Variants in ADGRD1 observed in about 807,000 individuals in gnomAD.
ADGRD1 encodes the protein G-protein coupled receptor 133.
Under a neutral mutation model 113.4 loss-of-function variants are expected in ADGRD1, and 77 were observed. That is an observed-to-expected ratio of 0.68 (90% CI 0.57 to 0.82). The LOEUF (loss-of-function observed/expected upper bound fraction) is 0.82. Ranked by LOEUF, ADGRD1 falls within the 40% of genes least tolerant of loss-of-function variation. The pLI is 0.00. For missense variants in ADGRD1, 1,036 were observed against 1,139.1 expected (o/e 0.91, Z 1.30); for synonymous variants, 474 against 475.0 (o/e 1.00, Z 0.03).
At chr12:131,101,536 G>A (rs138291838) in intron 15 of ADGRD1, among the ~76,000 whole-genome samples, 433 of 151,352 alleles carry the variant, frequency 2.9e-3, no homozygotes, top group African/African-American at 0.01. Flanking sequence ...TACAGGTGTG[G>A]GCCATCATGT....
At chr12:131,056,325 G>A (rs1883858580) in intron 13 of ADGRD1, among the ~76,000 whole-genome samples, 1 of 152,172 alleles carries the variant, frequency 6.6e-6, no homozygotes, top group South Asian at 2.1e-4. Context: ...TTGGAAACAG[G>A]AACCAGTGAG....
chr12:131,103,995 C>T (rs535570954), intron 15 of ADGRD1, among the ~76,000 whole-genome samples: 8 of 152,348 alleles, frequency 5.3e-5, no homozygotes, highest in Admixed American at 4.6e-4. Context: ...ACTTCAGAAC[C>T]GAGGGGGCGC....
In ADGRD1 at chr12:131,003,369, T is replaced by A; in HGVS notation, c.1144+67T>A. 1 of 1,083,448 alleles carries A rather than the reference T, an allele frequency of 9.2e-7. No homozygotes were observed. Among genetic ancestry groups the A allele is most frequent in the Non-Finnish European group, 1.4e-6 (1 of 705,762 alleles). The allele number at this position is 1,083,448 out of a possible 1,614,324, so 67.1% of individuals were successfully genotyped here. On this transcript the variant is annotated intron_variant, in intron 10 of 24. Coordinates refer to ENST00000261654, the MANE Select transcript of ADGRD1 (RefSeq NM_198827.5). The surrounding 1 kb of genome is among the most constrained non-coding windows in gnomAD (Gnocchi z 4.8). The stretch of plus-strand genomic sequence containing the variant: ...GGGCTGGAGGCTGCGTTTCACTGCC[T>A]GTCTTTTTACACCCTTAGCAGAGAG...
rs1056155196 is a variant in ADGRD1, at chr12:131,138,644, G to T, written c.2529+415G>T. ...TGCTCAGGTGTCCCATCCTCAGGAA[G>T]TCCTTCCCCGCACACGGTGCTCAAT... On this transcript the variant is annotated intron_variant, in intron 24 of 24. Transcript: ENST00000261654. 4.6e-5 allele frequency among the ~76,000 whole-genome samples: 7 copies of T among 152,116 alleles called. No homozygotes were observed. The South Asian group carries it at 1.2e-3, about 27-fold the overall frequency.
chr12:131,091,185 AAAGT>A (rs1201677756), intron 15 of ADGRD1, among the ~76,000 whole-genome samples: 7 of 152,220 alleles, frequency 4.6e-5, no homozygotes, highest in Non-Finnish European at 1.0e-4. Context: ...TTATCCTAGA[AAAGT>A]AGGCCATTGG....
chr12:131,024,861 G>A (rs1879764983), intron 13 of ADGRD1: 1 of 152,292 alleles, frequency 6.6e-6, no homozygotes, highest in African/African-American at 2.4e-5. Flanking sequence ...GCGTGTCTGT[G>A]TGAGAAGCTC....
chr12:130,982,363 A>G (rs930644753), intron 5 of ADGRD1, among the ~76,000 whole-genome samples: 2 of 152,182 alleles, frequency 1.3e-5, no homozygotes, highest in African/African-American at 4.8e-5. Context: ...TGTGCAGATG[A>G]TATTGACAGT....
At chr12:131,023,435 C>T (rs1434952495) in intron 13 of ADGRD1, 1 of 152,012 alleles carries the variant, frequency 6.6e-6, no homozygotes, top group East Asian at 1.9e-4. Context: ...GCACCCTGTT[C>T]CCACCCACTT....
chr12:131,112,062 C>T (rs1007564224), intron 18 of ADGRD1, among the ~76,000 whole-genome samples: 3 of 152,112 alleles, frequency 2.0e-5, no homozygotes, highest in African/African-American at 7.2e-5. Flanking sequence ...TGTAGCCACC[C>T]TTGATTCTGA....
In ADGRD1 at chr12:131,075,496, AC is replaced by A. The variant is rs1885529414; in HGVS notation, c.1474-1302del. ...AGAGACCCTGTGATGGATTAAAATA[AC>A]CCTAAGATACGGGGCGGCAGGGGTG... On this transcript the variant is annotated intron_variant, in intron 13 of 24. Coordinates refer to ENST00000261654, the MANE Select transcript of ADGRD1 (RefSeq NM_198827.5). This position sits in a 1 kb window ranked among gnomAD's most constrained non-coding sequence, Gnocchi z 5.3. Among the ~76,000 whole-genome samples, 1 of 152,160 alleles carries A rather than the reference AC, an allele frequency of 6.6e-6. No homozygotes were observed. The highest frequency in any genetic ancestry group is 2.4e-5 in the African/African-American group (1 of 41,426).
At chr12:131,086,417 G>A (rs73468761) in intron 15 of ADGRD1, among the ~76,000 whole-genome samples, 3,004 of 152,250 alleles carry the variant, frequency 0.02, 99 homozygotes, top group African/African-American at 0.068. Flanking sequence ...AGTCCACTGC[G>A]ACACAGTCAC....
At chr12:130,975,278 C>A (rs1018889935) in intron 4 of ADGRD1, among the ~76,000 whole-genome samples, 2 of 152,158 alleles carry the variant, frequency 1.3e-5, no homozygotes, top group Non-Finnish European at 2.9e-5. Context: ...TACATTTCTT[C>A]CCACAACTTG....
At chr12:131,115,488 T>A (rs1950443225) in intron 18 of ADGRD1, among the ~76,000 whole-genome samples, 1 of 152,188 alleles carries the variant, frequency 6.6e-6, no homozygotes, top group South Asian at 2.1e-4. Flanking sequence ...CCACCCCATC[T>A]GTCGAGACCC....
chr12:130,994,200 G>T, intron 8 of ADGRD1: 1 of 426,876 alleles, frequency 2.3e-6, no homozygotes, highest in Non-Finnish European at 4.8e-6. Flanking sequence ...GTATAGACAA[G>T]CTGGAAGGTC....
intron 3 of ADGRD1, chr12:130,969,170 T>A (rs532779225): frequency 2.8e-6 from 2 of 714,752 alleles, no homozygotes; most frequent in East Asian, 2.7e-5. Flanking sequence ...ATTCACTATG[T>A]CTTGGCTAGC....
At chr12:131,122,826 C>G (rs1244081147) in intron 20 of ADGRD1, among the ~76,000 whole-genome samples, 1 of 152,180 alleles carries the variant, frequency 6.6e-6, no homozygotes, top group Non-Finnish European at 1.5e-5. Context: ...GTGGCTCTGC[C>G]TGGCTCCTTC....
At chr12:131,106,124 A>G (rs1316066350) in intron 17 of ADGRD1, among the ~76,000 whole-genome samples, 1 of 152,054 alleles carries the variant, frequency 6.6e-6, no homozygotes, top group Admixed American at 6.5e-5. Context: ...GCGAGGCACC[A>G]TGACAAGGGC....
At position 131,027,717 on chromosome 12, in the gene ADGRD1, C is replaced by G. The variant is rs1213417574; in HGVS notation, c.1473+13377C>G. The G allele has an allele frequency of 6.6e-6, 1 of 152,150 alleles. No homozygotes were observed. The highest frequency in any genetic ancestry group is 2.4e-5 in the African/African-American group (1 of 41,430). The allele number at this position is 152,150 out of a possible 1,614,324, so 9.4% of individuals were successfully genotyped here. A position where few individuals can be genotyped will look rare whatever the true frequency, so the allele number is the denominator to read the frequency against. ...AGCTAGGGGTTCAGGGTTACTCAGACCAAACTTCTCATCACCCTGCATCCC... is the reference window on the plus strand; with the variant it reads ...AGCTAGGGGTTCAGGGTTACTCAGAGCAAACTTCTCATCACCCTGCATCCC... On this transcript the variant is annotated intron_variant, in intron 13 of 24. Transcript: ENST00000261654. The surrounding 1 kb of genome is among the most constrained non-coding windows in gnomAD (Gnocchi z 5.1).
At chr12:131,085,742 C>G (rs564082722) in intron 15 of ADGRD1, among the ~76,000 whole-genome samples, 22 of 152,308 alleles carry the variant, frequency 1.4e-4, no homozygotes, top group African/African-American at 4.6e-4. Flanking sequence ...AAACGGCGAT[C>G]TGTTGGATGC....
Sources: gnomAD v4.1 joint callset for allele counts (sites outside exome capture counted in the v4.1 genomes callset) on GRCh38, gnomAD v4.1.1 for gene constraint, Gnocchi (gnomAD v3.1) non-coding constraint, MANE v1.5 for transcripts, NCBI Gene and HGNC (gene_info 2026-07-23, HGNC 2026-07-21) for gene names.